MME: variants seen among roughly 807,000 people sequenced by gnomAD.
MME encodes membrane metalloendopeptidase.
A neutral mutation model predicts 113.2 loss-of-function variants in MME; 98 were observed. That is an observed-to-expected ratio of 0.87 (90% CI 0.74 to 1.02). The LOEUF (loss-of-function observed/expected upper bound fraction) is 1.02, where lower values mean the gene tolerates loss of function less well. Among genes scored for constraint, MME ranks in the 50% least tolerant of loss-of-function variants. The pLI is 0.00. For synonymous variants in MME, 292 were observed against 300.6 expected, an observed-to-expected ratio of 0.97 and a Z score of 0.30; for missense variants, 836 against 896.0, an observed-to-expected ratio of 0.93 and a Z score of 0.86.
intron 3 of MME, among the ~76,000 whole-genome samples, chr3:155,103,433 C>T (rs1044609503): frequency 6.6e-6 from 1 of 152,156 alleles, no homozygotes; most frequent in Non-Finnish European, 1.5e-5. Context: ...CTAGGTTTAG[C>T]CCCTTTCTAT....
chr3:155,032,041 G>A (rs558753482), intron 1 of MME, among the ~76,000 whole-genome samples: 1 of 152,152 alleles, frequency 6.6e-6, no homozygotes, highest in Non-Finnish European at 1.5e-5. Context: ...TTTTAGTTTG[G>A]GGTCTTCACA....
chr3:155,135,968 C>T (rs556862199), intron 8 of MME, among the ~76,000 whole-genome samples: 3 of 152,188 alleles, frequency 2.0e-5, no homozygotes. Context: ...ATAGATATGC[C>T]ACCAATTTTT....
At chr3:155,150,251 G>A (rs1190252099) in intron 16 of MME, among the ~76,000 whole-genome samples, 2 of 152,052 alleles carry the variant, frequency 1.3e-5, no homozygotes, top group African/African-American at 2.4e-5. Context: ...ATTGCTTGAT[G>A]TTTTCTTTTG....
intron 1 of MME, among the ~76,000 whole-genome samples, chr3:155,066,485 C>T (rs1714383260): frequency 6.6e-6 from 1 of 152,102 alleles, no homozygotes; most frequent in Non-Finnish European, 1.5e-5. Flanking sequence ...CCCTAGTTTT[C>T]CATGGAGTGA....
At chr3:155,050,767 C>T (rs1276527522) in intron 1 of MME, among the ~76,000 whole-genome samples, 1 of 151,740 alleles carries the variant, frequency 6.6e-6, no homozygotes, top group Non-Finnish European at 1.5e-5. Flanking sequence ...AATATTTTAC[C>T]CTATTCTCTA....
chr3:155,073,845 G>A lies in MME; in HGVS notation c.-10-10313G>A, dbSNP rs763867921. ...GTCTTTTAAGGTTGTGTTTTCTCAT[G>A]TTTTTCTCTTGTAAAAACGCAATTA... is the stretch of plus-strand genomic sequence containing the variant. On this transcript the variant is annotated intron_variant, in intron 1 of 22. Transcript: ENST00000492661. 3.6e-4 allele frequency among the ~76,000 whole-genome samples: 55 copies of A among 151,680 alleles called. 1 individual carries two copies. In the Middle Eastern group the frequency reaches 0.01, roughly 28 times the overall value.
At chr3:155,034,820 A>G (rs752267912) in intron 1 of MME, among the ~76,000 whole-genome samples, 6 of 152,228 alleles carry the variant, frequency 3.9e-5, no homozygotes, top group Non-Finnish European at 5.9e-5. Flanking sequence ...GAAATAAAGC[A>G]TAAAAAATAA....
At chr3:155,078,030 C>T (rs1410834861), upstream of MME, among the ~76,000 whole-genome samples, 1 of 149,570 alleles carries the variant, frequency 6.7e-6, no homozygotes, top group African/African-American at 2.5e-5. Context: ...TATGGAGAAA[C>T]CCCGAAAGTA....
intron 1 of MME, among the ~76,000 whole-genome samples, chr3:155,042,926 ATATATATATATATG>A (rs1201988441): frequency 0.018 from 1,176 of 67,086 alleles, 56 homozygotes; most frequent in African/African-American, 0.055. Context: ...ATATATATAT[ATATATATATATATG>A]TATATATATA....
At chr3:155,064,260 G>A (rs1714310842) in intron 1 of MME, among the ~76,000 whole-genome samples, 3 of 152,024 alleles carry the variant, frequency 2.0e-5, no homozygotes, top group African/African-American at 7.2e-5. Context: ...CTGTACTTCA[G>A]CCTGGGCAAC....
At chr3:155,036,413 C>G (rs1485842793) in intron 1 of MME, among the ~76,000 whole-genome samples, 1 of 152,060 alleles carries the variant, frequency 6.6e-6, no homozygotes, top group Non-Finnish European at 1.5e-5. Flanking sequence ...GTCTTGAGTC[C>G]TGTCCCAGTC....
intron 3 of MME, among the ~76,000 whole-genome samples, chr3:155,106,275 G>A (rs1418135313): frequency 6.6e-6 from 1 of 152,180 alleles, no homozygotes. Context: ...TTCTTGGAAC[G>A]TAACCAGTGG....
intron 1 of MME, among the ~76,000 whole-genome samples, chr3:155,034,678 G>T (rs1713074167): frequency 6.6e-6 from 1 of 152,042 alleles, no homozygotes; most frequent in Admixed American, 6.6e-5. Context: ...ACCCCCTAGG[G>T]TCTTAATAAA....
In MME at chr3:155,030,863, G is replaced by A. The variant is rs1228706505; in HGVS notation, c.-11+6539G>A. Among the ~76,000 whole-genome samples the A allele has an allele frequency of 3.3e-5, 5 of 152,156 alleles. No individual in the cohort carries two copies. In the South Asian group the frequency reaches 8.3e-4, roughly 25 times the overall value. The stretch of plus-strand genomic sequence containing the variant: ...TGTATGCCCCACAGATGGAGAGACC[G>A]GATGTGAAAATCTGTCCATGGAAGA... On this transcript the variant is annotated intron_variant, in intron 1 of 22. Transcript: ENST00000492661.
chr3:155,102,518 C>A (rs1446518106), intron 3 of MME, among the ~76,000 whole-genome samples: 1 of 152,156 alleles, frequency 6.6e-6, no homozygotes, highest in Non-Finnish European at 1.5e-5. Flanking sequence ...TCCACAAGAG[C>A]CCTTCCTGGA....
At chr3:155,074,045 CCTCTCTCT>C (rs770461077) in intron 1 of MME, among the ~76,000 whole-genome samples, 2 of 147,502 alleles carry the variant, frequency 1.4e-5, no homozygotes, top group African/African-American at 5.0e-5. Context: ...CCTTCCTTTT[CCTCTCTCT>C]CTCTCTCTCT....
At chr3:155,178,275 A>C (rs956260210) in intron 22 of MME, among the ~76,000 whole-genome samples, 1 of 152,166 alleles carries the variant, frequency 6.6e-6, no homozygotes. Flanking sequence ...TACATCCTCC[A>C]TGAAAGATAG....
intron 1 of MME, among the ~76,000 whole-genome samples, chr3:155,063,659 T>G (rs1185238856): frequency 1.7e-5 from 2 of 117,736 alleles, no homozygotes; most frequent in Non-Finnish European, 3.3e-5. Flanking sequence ...TTTGATTATA[T>G]AACATATTAT....
chr3:155,115,352 T>G (rs532246247), intron 4 of MME, among the ~76,000 whole-genome samples, 197 bp downstream of exon 4: 2 of 152,350 alleles, frequency 1.3e-5, no homozygotes, highest in South Asian at 4.1e-4. Flanking sequence ...CTCTTAGCAT[T>G]CCTGCTTTCA....
Sources: gnomAD v4.1 joint callset for allele counts (sites outside exome capture counted in the v4.1 genomes callset) on GRCh38, gnomAD v4.1.1 for gene constraint, MANE v1.5 for transcripts, NCBI Gene and HGNC (gene_info 2026-07-23, HGNC 2026-07-21) for gene names.